PCDHGA3: variants seen among roughly 807,000 people sequenced by gnomAD.
PCDHGA3 encodes the protein protocadherin gamma subfamily A, 3, also known as protocadherin gamma-A3.
PCDHGA3 carries 40 observed loss-of-function variants against 58.5 expected under a neutral mutation model. The ratio of observed to expected loss-of-function variants is 0.68; its 90% CI spans 0.53 to 0.89. The LOEUF (loss-of-function observed/expected upper bound fraction) is 0.89. PCDHGA3 is among the 40% of genes least tolerant of loss of function. The pLI, the probability that PCDHGA3 is intolerant of heterozygous loss-of-function variation, is 0.00. For missense variants in PCDHGA3, 1,223 were observed against 1,195.9 expected (o/e 1.02, Z -0.33); for synonymous variants, 530 against 525.7 (o/e 1.01, Z -0.11).
At chr5:141,357,994 A>G (rs1378824795) in intron 1 of PCDHGA3, among the ~76,000 whole-genome samples, 1 of 152,294 alleles carries the variant, frequency 6.6e-6, no homozygotes, top group South Asian at 2.1e-4. Context: ...GTTCGAGACC[A>G]GTCTGGGCAA....
intron 1 of PCDHGA3, chr5:141,350,461 T>C (rs1425532527): frequency 3.1e-6 from 5 of 1,613,762 alleles, no homozygotes; most frequent in Non-Finnish European, 4.2e-6. Flanking sequence ...TGCGGGTTAG[T>C]GCAGAGGATT....
At chr5:141,417,440 T>C (rs889107076) in intron 1 of PCDHGA3, 1 of 166,232 alleles carries the variant, frequency 6.0e-6, no homozygotes, top group African/African-American at 2.4e-5. Flanking sequence ...TAAAAAGATA[T>C]GATAGTTATG....
At chr5:141,390,299 A>G in intron 1 of PCDHGA3, 1 of 1,613,858 alleles carries the variant, frequency 6.2e-7, no homozygotes, top group Non-Finnish European at 8.5e-7. Context: ...TCCTTTAAGT[A>G]TAATTTAATG....
Position 141,376,287 on chromosome 5 carries a change from T to C in PCDHGA3, c.2424+29830T>C, listed in dbSNP as rs1160372923. 6.2e-6 allele frequency: 10 copies of C among 1,614,110 alleles called. No individual in the cohort carries two copies. In the Admixed American group the frequency reaches 6.7e-5, roughly 11 times the overall value. On this transcript the variant is annotated intron_variant, in intron 1 of 3. Transcript: ENST00000253812. ...GCTTCGGGAGGTGGCTTAGCGAGCA[T>C]GCCCGGCTCGCACTTTGTGGGCGTG...
chr5:141,374,184 C>G (rs369352283), intron 1 of PCDHGA3: 8 of 1,613,676 alleles, frequency 5.0e-6, no homozygotes, highest in Middle Eastern at 3.3e-4. Context: ...ATCCGCTACT[C>G]TATTCCCGAG....
chr5:141,510,817 T>C, intron 3 of PCDHGA3, 130 bp from the exon 4 acceptor site: 2 of 1,551,592 alleles, frequency 1.3e-6, no homozygotes, highest in African/African-American at 2.7e-5. Flanking sequence ...GTGACCCCTA[T>C]ATTCCCAGTG....
At chr5:141,505,599 G>T in intron 3 of PCDHGA3, 118 bp downstream of exon 3, 1 of 1,555,586 alleles carries the variant, frequency 6.4e-7, no homozygotes, top group Non-Finnish European at 8.7e-7. Context: ...CAGATCTTTC[G>T]GCAGGTCTGA....
intron 3 of PCDHGA3, among the ~76,000 whole-genome samples, chr5:141,507,582 T>G (rs1221383898): frequency 6.6e-6 from 1 of 152,264 alleles, no homozygotes; most frequent in Non-Finnish European, 1.5e-5. Flanking sequence ...AGATGCCAAG[T>G]TGGCCTCTTG....
At chr5:141,373,897 C>G (rs1379272131) in intron 1 of PCDHGA3, 1 of 536,936 alleles carries the variant, frequency 1.9e-6, no homozygotes, top group Non-Finnish European at 3.1e-6. Context: ...ACTCAAGTTA[C>G]ATCCTCCAAC....
intron 1 of PCDHGA3, among the ~76,000 whole-genome samples, chr5:141,481,730 G>C (rs778885944): frequency 6.6e-5 from 10 of 151,952 alleles, no homozygotes; most frequent in Non-Finnish European, 1.3e-4. Flanking sequence ...GAGGCGGGCG[G>C]ATCACGAGGT....
At chr5:141,435,058 A>G (rs1161891073) in intron 1 of PCDHGA3, among the ~76,000 whole-genome samples, 3 of 152,234 alleles carry the variant, frequency 2.0e-5, no homozygotes, top group East Asian at 3.9e-4. Flanking sequence ...ACCATGCAGC[A>G]GTTTTGTGTA....
intron 1 of PCDHGA3, among the ~76,000 whole-genome samples, chr5:141,436,122 C>T (rs909678739): frequency 4.6e-5 from 7 of 152,128 alleles, no homozygotes; most frequent in African/African-American, 7.2e-5. Flanking sequence ...AACCTCTCTC[C>T]TCCATCATCT....
chr5:141,485,546 G>C lies in PCDHGA3; in HGVS notation c.2425-9261G>C. The C allele has an allele frequency of 6.2e-7, 1 of 1,614,074 alleles. No individual in the cohort carries two copies. ...GTACCGAGCAGAGGTAGAGATCGTA[G>C]ATGTGAATGATCACGCCCCCCGTTT... is the stretch of plus-strand genomic sequence containing the variant. On this transcript the variant is annotated intron_variant, in intron 1 of 3. Coordinates refer to ENST00000253812, the MANE Select transcript of PCDHGA3 (RefSeq NM_018916.4). The surrounding 1 kb of genome is among the most constrained non-coding windows in gnomAD (Gnocchi z 5.7).
In PCDHGA3 at chr5:141,490,274, A is replaced by G. The variant is rs1285515971; in HGVS notation, c.2425-4533A>G. The G allele has an allele frequency of 6.2e-7, 1 of 1,614,228 alleles. No individual in the cohort carries two copies. Among genetic ancestry groups the G allele is most frequent in the Non-Finnish European group, 8.5e-7 (1 of 1,180,038 alleles). On this transcript the variant is annotated intron_variant, in intron 1 of 3. Transcript: ENST00000253812. This position sits in a 1 kb window ranked among gnomAD's most constrained non-coding sequence, Gnocchi z 5.4. ...CAAGTGGATGTGGGGGATGTCAATGACAATGCCCCAGAGGTGCTATTGGCC... is the reference window on the plus strand; with the variant it reads ...CAAGTGGATGTGGGGGATGTCAATGGCAATGCCCCAGAGGTGCTATTGGCC...
rs773806445 is a variant in PCDHGA3 at position 141,346,087 on chromosome 5, A to G, written c.2054A>G (p.Asn685Ser). Residue 685 changes from asparagine (N) to serine (S), a missense_variant, in exon 1 of 4, where the codon AAC becomes AGC. Around this residue, in one of 3 missense-constraint regions of PCDHGA3, gnomAD observed 107 missense variants for 159.8 expected, o/e 0.67. Transcript: ENST00000253812. ...LGSLEPSAKP[N>S]DSDLTLYLVV... The stretch of plus-strand genomic sequence containing the variant: ...AGCCTCGAGCCCTCCGCCAAACCCA[A>G]CGATTCGGACCTCACTCTGTACCTG... 8.7e-6 allele frequency: 14 copies of G among 1,612,620 alleles called. No homozygotes were observed. The Admixed American group carries it at 2.2e-4, about 25-fold the overall frequency.
intron 1 of PCDHGA3, among the ~76,000 whole-genome samples, chr5:141,472,869 C>T (rs919331906): frequency 6.6e-6 from 1 of 151,388 alleles, no homozygotes; most frequent in Non-Finnish European, 1.5e-5. Context: ...GCCTGTATTC[C>T]CAGCTACTCG....
rs766516627 is a variant in PCDHGA3 at position 141,398,178 on chromosome 5, C to G, written c.2424+51721C>G. The G allele has an allele frequency of 8.2e-6, 12 of 1,472,146 alleles. No individual in the cohort carries two copies. The South Asian group carries it at 8.4e-5, about 10-fold the overall frequency. The allele number at this position is 1,472,146 out of a possible 1,614,324, so 91.2% of individuals were successfully genotyped here. A position where few individuals can be genotyped will look rare whatever the true frequency, so the allele number is the denominator to read the frequency against. ...GCCGGGCTGAGAGGCTGCCAGTGCT[C>G]TTTCTCTTCCTGCTGTCTTTGTTCT... On this transcript the variant is annotated intron_variant, in intron 1 of 3. Coordinates refer to ENST00000253812, the MANE Select transcript of PCDHGA3 (RefSeq NM_018916.4).
intron 1 of PCDHGA3, among the ~76,000 whole-genome samples, chr5:141,369,676 A>T (rs1172722090): frequency 6.6e-6 from 1 of 152,246 alleles, no homozygotes; most frequent in Non-Finnish European, 1.5e-5. Context: ...GAAGAAAGTG[A>T]AACATAGAAT....
At chr5:141,427,883 C>T (rs2097084423) in intron 1 of PCDHGA3, 2 of 1,563,700 alleles carry the variant, frequency 1.3e-6, no homozygotes, top group African/African-American at 1.3e-5. Context: ...TGCAGGCCCA[C>T]GACCAGGGCT....
Sources: gnomAD v4.1 joint callset for allele counts (sites outside exome capture counted in the v4.1 genomes callset) on GRCh38, gnomAD v4.1.1 for gene constraint, gnomAD v4.1.1 regional missense constraint, Gnocchi (gnomAD v3.1) non-coding constraint, MANE v1.5 for transcripts, NCBI Gene and HGNC (gene_info 2026-07-23, HGNC 2026-07-21) for gene names.